The following RGS20 variants were observed in gnomAD, a reference collection of about 807,000 sequenced individuals.
RGS20 encodes the protein regulator of G protein signaling 20.
A neutral mutation model predicts 33.6 loss-of-function variants in RGS20; 30 were observed. The ratio of observed to expected loss-of-function variants is 0.89; its 90% confidence interval spans 0.67 to 1.21. The LOEUF is 1.21. Ranked by LOEUF, RGS20 falls within the 50% of genes most tolerant of loss-of-function variation. The pLI, the probability that RGS20 is intolerant of heterozygous loss-of-function variation, is 0.00. For missense variants in RGS20, 472 were observed against 502.4 expected (o/e 0.94, Z 0.58); for synonymous variants, 208 against 197.9 (o/e 1.05, Z -0.43).
At chr8:53,949,968 T>G (rs747054043) in intron 4 of RGS20, among the ~76,000 whole-genome samples, 5 of 151,700 alleles carry the variant, frequency 3.3e-5, no homozygotes, top group African/African-American at 7.3e-5. Context: ...GCCTCCCAAG[T>G]AACTGGGATT....
At chr8:53,869,281 G>A (rs1478845970) in intron 1 of RGS20, among the ~76,000 whole-genome samples, 5 of 152,162 alleles carry the variant, frequency 3.3e-5, no homozygotes, top group African/African-American at 4.8e-5. Flanking sequence ...GAAAGCACAG[G>A]TAGATCTTGG....
intron 1 of RGS20, among the ~76,000 whole-genome samples, chr8:53,869,646 A>T (rs1812011348): frequency 6.6e-6 from 1 of 152,228 alleles, no homozygotes; most frequent in Non-Finnish European, 1.5e-5. Flanking sequence ...ACTACACTCC[A>T]GCCTAGGTGA....
chr8:53,893,552 G>A (rs943458125), intron 2 of RGS20, among the ~76,000 whole-genome samples: 13 of 152,122 alleles, frequency 8.5e-5, no homozygotes, highest in African/African-American at 2.9e-4. Context: ...AGTGACAGCC[G>A]GCTTTGCTCT....
At chr8:53,861,950 G>A (rs924993487) in intron 1 of RGS20, among the ~76,000 whole-genome samples, 1 of 152,132 alleles carries the variant, frequency 6.6e-6, no homozygotes, top group African/African-American at 2.4e-5. Context: ...TTGTTGGCCC[G>A]TGGGGAGTCC....
chr8:53,883,159 T>TTC (rs1176974659), intron 2 of RGS20, among the ~76,000 whole-genome samples: 2 of 146,942 alleles, frequency 1.4e-5, no homozygotes, highest in East Asian at 4.5e-4. Context: ...CTTTCTTTCT[T>TTC]TTTTTTTTTT....
intron 2 of RGS20, among the ~76,000 whole-genome samples, chr8:53,911,046 G>C (rs1813334419): frequency 6.6e-6 from 1 of 152,298 alleles, no homozygotes; most frequent in African/African-American, 2.4e-5. Context: ...GCTGCAATTA[G>C]ATCTGAGGTA....
rs147351535 is a variant in RGS20 at position 53,931,552 on chromosome 8, AAAC to A, written c.511-7985_511-7983del. 6.0e-3 allele frequency among the ~76,000 whole-genome samples: 910 copies of A among 150,680 alleles called. 2 individuals carry two copies. The highest frequency in any genetic ancestry group is 0.017 in the East Asian group (85 of 5,038). ...CCTGGGCAACAAGAGCAAAACTCCA[AAAC>A]AACAACAACAACAACAACAACAACA... On this transcript the variant is annotated intron_variant, in intron 2 of 5. Coordinates refer to ENST00000297313, the MANE Select transcript of RGS20 (RefSeq NM_170587.4).
intron 2 of RGS20, among the ~76,000 whole-genome samples, chr8:53,889,769 A>G (rs1265711554): frequency 6.1e-5 from 9 of 148,384 alleles, no homozygotes; most frequent in Non-Finnish European, 1.2e-4. Flanking sequence ...ACGTGCTGCA[A>G]ATCTCTTCTT....
chr8:53,864,065 G>A (rs1294494834), intron 1 of RGS20, among the ~76,000 whole-genome samples: 1 of 151,988 alleles, frequency 6.6e-6, no homozygotes, highest in Non-Finnish European at 1.5e-5. Context: ...CAATTTGAAT[G>A]GTTGCTTTGA....
chr8:53,872,724 G>A (rs1812106302), intron 1 of RGS20, among the ~76,000 whole-genome samples: 1 of 152,188 alleles, frequency 6.6e-6, no homozygotes, highest in South Asian at 2.1e-4. Context: ...GAAATCAAGT[G>A]AGAGAACCCC....
At chr8:53,887,994 A>G (rs1812597400) in intron 2 of RGS20, among the ~76,000 whole-genome samples, 1 of 151,992 alleles carries the variant, frequency 6.6e-6, no homozygotes, top group African/African-American at 2.4e-5. Context: ...AAAAAAAGGT[A>G]TATGTATATT....
chr8:53,927,698 A>C lies in RGS20; in HGVS notation c.511-11878A>C, dbSNP rs1327253012. Among the ~76,000 whole-genome samples, 5 of 152,216 alleles carry C rather than the reference A, an allele frequency of 3.3e-5. No individual in the cohort carries two copies. In the South Asian group the frequency reaches 1.0e-3, roughly 32 times the overall value. Reference sequence around the variant, plus strand: ...CAGCATTCTCTGCCAAACAGACTAAAAAAGGAGAGAAGAGCACTGTCAAAA... The same window carrying C: ...CAGCATTCTCTGCCAAACAGACTAACAAAGGAGAGAAGAGCACTGTCAAAA... On this transcript the variant is annotated intron_variant, in intron 2 of 5. Coordinates refer to ENST00000297313, the MANE Select transcript of RGS20 (RefSeq NM_170587.4).
At chr8:53,948,304 TAC>T (rs1199916111) in intron 4 of RGS20, among the ~76,000 whole-genome samples, 1 of 140,344 alleles carries the variant, frequency 7.1e-6, no homozygotes, top group African/African-American at 2.6e-5. Flanking sequence ...CGATATATGA[TAC>T]AGTATATATA....
intron 1 of RGS20, among the ~76,000 whole-genome samples, chr8:53,856,417 C>T (rs1811671192): frequency 6.6e-6 from 1 of 152,086 alleles, no homozygotes; most frequent in African/African-American, 2.4e-5. Flanking sequence ...CAGGGTTTCA[C>T]CATGTTGACT....
chr8:53,904,966 T>C (rs906859906), intron 2 of RGS20, among the ~76,000 whole-genome samples: 1 of 152,214 alleles, frequency 6.6e-6, no homozygotes, highest in African/African-American at 2.4e-5. Context: ...AAAGACACTC[T>C]TATTATAGTC....
intron 1 of RGS20, among the ~76,000 whole-genome samples, chr8:53,853,513 G>A (rs184362767): frequency 6.6e-6 from 1 of 152,206 alleles, no homozygotes; most frequent in Non-Finnish European, 1.5e-5. Context: ...AAGCAATCCA[G>A]TTGGGATGCT....
At chr8:53,903,384 G>T (rs1813084013) in intron 2 of RGS20, among the ~76,000 whole-genome samples, 1 of 152,174 alleles carries the variant, frequency 6.6e-6, no homozygotes, top group South Asian at 2.1e-4. Context: ...GAAAAATGTT[G>T]TCAACTTTGA....
chr8:53,910,592 C>G (rs1256450342), intron 2 of RGS20, among the ~76,000 whole-genome samples: 2 of 152,022 alleles, frequency 1.3e-5, no homozygotes, highest in East Asian at 1.9e-4. Context: ...GAGTATTTAC[C>G]CAAGAAAAAT....
intron 2 of RGS20, among the ~76,000 whole-genome samples, chr8:53,917,433 G>A (rs1274604958): frequency 2.0e-5 from 3 of 152,162 alleles, no homozygotes; most frequent in African/African-American, 7.2e-5. Context: ...ATAGGCATGA[G>A]CCACCATGCC....
Sources: gnomAD v4.1 joint callset for allele counts (sites outside exome capture counted in the v4.1 genomes callset) on GRCh38, gnomAD v4.1.1 for gene constraint, MANE v1.5 for transcripts, NCBI Gene and HGNC (gene_info 2026-07-23, HGNC 2026-07-21) for gene names.